Variants in FLYWCH1 observed in about 807,000 individuals in gnomAD.
FLYWCH1 encodes FLYWCH-type zinc finger 1, also known as FLYWCH-type zinc finger-containing protein 1.
Under a neutral mutation model 66.4 loss-of-function variants are expected in FLYWCH1, and 75 were observed. The ratio of observed to expected loss-of-function variants is 1.13; its 90% CI spans 0.94 to 1.37. FLYWCH1 has a LOEUF of 1.37. Among genes scored for constraint, FLYWCH1 ranks in the 40% most tolerant of loss-of-function variants. The pLI is 0.00. For synonymous variants in FLYWCH1, 595 were observed against 429.9 expected (o/e 1.38, Z -4.75); for missense variants, 1,334 against 1,001.8 (o/e 1.33, Z -4.48).
At chr16:2,946,605 G>T (rs2071497542) in intron 9 of FLYWCH1, among the ~76,000 whole-genome samples, 1 of 152,070 alleles carries the variant, frequency 6.6e-6, no homozygotes, top group African/African-American at 2.4e-5. Flanking sequence ...TTATAGGAGT[G>T]AGCCACTGTG....
chr16:2,938,569 C>G (rs1190972413), intron 8 of FLYWCH1, 113 bp downstream of exon 8: 6 of 674,334 alleles, frequency 8.9e-6, no homozygotes, highest in East Asian at 3.7e-5. Context: ...TGTGCACACA[C>G]AAATTATTCA....
chr16:2,933,263 C>A lies in FLYWCH1; in HGVS notation c.930C>A (p.His310Gln), dbSNP rs554747336. The change falls in exon 5 of 10, where the codon CAC (histidine) becomes CAA (glutamine). Residue 310 changes from histidine to glutamine, a missense_variant. By Grantham distance (24) the His-to-Gln change is conservative. Coordinates refer to ENST00000253928, the MANE Select transcript of FLYWCH1 (RefSeq NM_001308068.2). ...GGACCTGCCGGGACCACGCGCTGCA[C>A]GGCTGCCGGAGCCGGGCCATCACCC... is the stretch of plus-strand genomic sequence containing the variant. ...VYWTCRDHAL[H>Q]GCRSRAITQG... 1 of 1,612,838 alleles carries A rather than the reference C, an allele frequency of 6.2e-7. No individual in the cohort carries two copies. The highest frequency in any genetic ancestry group is 1.1e-5 in the South Asian group (1 of 91,018).
At position 2,937,338 on chromosome 16, in the gene FLYWCH1, G is replaced by A. The variant is rs753676795; in HGVS notation, c.1731G>A (p.Leu577=). ...HPPDLGGLEA[L]RQREHFPNLA... ...CGGACCTGGGCGGCCTGGAGGCCCT[G>A]CGGCAGCGGGAGCACTTCCCCAACC... The change falls in exon 7 of 10, where the codon CTG becomes CTA. Residue 577 remains leucine, a synonymous_variant. Transcript: ENST00000253928. The A allele has an allele frequency of 6.3e-7, 1 of 1,596,836 alleles. No individual in the cohort carries two copies. The highest frequency in any genetic ancestry group is 2.2e-5 in the East Asian group (1 of 44,512).
intron 1 of FLYWCH1, among the ~76,000 whole-genome samples, chr16:2,913,405 G>T (rs895583012): frequency 5.9e-5 from 9 of 152,040 alleles, no homozygotes; most frequent in African/African-American, 9.7e-5. Context: ...ATACCGGGCT[G>T]GGGGGGTCTC....
chr16:2,912,220 G>C (rs1415596343), intron 1 of FLYWCH1, 66 bp downstream of exon 1: 2 of 152,300 alleles, frequency 1.3e-5, no homozygotes, highest in African/African-American at 4.8e-5. Flanking sequence ...CCGCAGCCCG[G>C]CTCTCCCGGG....
intron 4 of FLYWCH1, among the ~76,000 whole-genome samples, chr16:2,932,603 G>A (rs1567335197): frequency 6.6e-6 from 1 of 152,190 alleles, no homozygotes; most frequent in Non-Finnish European, 1.5e-5. Flanking sequence ...CCTGGGGTGG[G>A]AAGGGAGGTG....
chr16:2,921,369 C>G (rs760288732), intron 2 of FLYWCH1, among the ~76,000 whole-genome samples: 35 of 145,048 alleles, frequency 2.4e-4, no homozygotes, highest in Non-Finnish European at 6.0e-5. Flanking sequence ...TTTTTTGCTT[C>G]TAAAGCCAGA....
At position 2,930,505 on chromosome 16, in the gene FLYWCH1, G is replaced by C. The variant is rs2070723500; in HGVS notation, c.421G>C (p.Asp141His). ...GTACAAGCAGGAGAAGGCAGTGGGG[G>C]ACAAGGTGTACTGGAAGTGCCGCCA... Reference protein sequence around the residue: ...FLYKQEKAVGDKVYWKCRQHA... With the variant: ...FLYKQEKAVGHKVYWKCRQHA... Residue 141 changes from aspartate to histidine, a missense_variant, in exon 4 of 10, where the codon GAC (aspartate) becomes CAC (histidine). Asp to His is a moderately conservative substitution (Grantham distance 81, BLOSUM62 -1). Coordinates refer to ENST00000253928, the MANE Select transcript of FLYWCH1 (RefSeq NM_001308068.2). 6.5e-7 allele frequency: 1 copy of C among 1,538,098 alleles called. No homozygotes were observed. The highest frequency in any genetic ancestry group is 1.4e-5 in the African/African-American group (1 of 71,604).
intron 9 of FLYWCH1, among the ~76,000 whole-genome samples, chr16:2,947,622 C>T (rs954378287): frequency 9.2e-5 from 14 of 151,762 alleles, no homozygotes; most frequent in East Asian, 1.9e-4. Flanking sequence ...ATTAGCTGGG[C>T]GTGGTGGCAC....
chr16:2,923,891 TAGCC>T (rs1290505060), intron 2 of FLYWCH1, among the ~76,000 whole-genome samples: 1 of 151,862 alleles, frequency 6.6e-6, no homozygotes, highest in Non-Finnish European at 1.5e-5. Flanking sequence ...ATACAAAAAT[TAGCC>T]AGGCATGTTG....
chr16:2,942,275 G>C (rs1343886984), intron 9 of FLYWCH1, among the ~76,000 whole-genome samples: 1 of 151,700 alleles, frequency 6.6e-6, no homozygotes, highest in Non-Finnish European at 1.5e-5. Flanking sequence ...ACCCTCCTGA[G>C]TAGCTGGGAC....
At chr16:2,943,851 C>T (rs2071370442) in intron 9 of FLYWCH1, among the ~76,000 whole-genome samples, 1 of 152,216 alleles carries the variant, frequency 6.6e-6, no homozygotes, top group Admixed American at 6.5e-5. Context: ...GCAGGAGAAT[C>T]ACTTGAACCC....
At position 2,933,789 on chromosome 16, in the gene FLYWCH1, G is replaced by C. The variant is rs776527797; in HGVS notation, c.1323G>C (p.Glu441Asp). The part of the protein sequence containing the change: ...LVYESFLYRR[E>D]KAAGEKVYWT... The stretch of plus-strand genomic sequence containing the variant: ...ACGAGTCCTTCCTCTACCGGCGGGA[G>C]AAGGCGGCTGGGGAGAAGGTGTATT... The change falls in exon 6 of 10, where the codon GAG becomes GAC. Residue 441 changes from glutamate to aspartate, a missense_variant. Transcript: ENST00000253928. 5 of 1,610,772 alleles carry C rather than the reference G, an allele frequency of 3.1e-6. No individual in the cohort carries two copies. Among genetic ancestry groups the C allele is most frequent in the Non-Finnish European group, 3.4e-6 (4 of 1,178,806 alleles).
In FLYWCH1 at chr16:2,929,724, T is replaced by C. The variant is rs759427363; in HGVS notation, c.39T>C (p.Ser13=). The C allele has an allele frequency of 4.3e-6, 7 of 1,611,894 alleles. No homozygotes were observed. Among genetic ancestry groups the C allele is most frequent in the African/African-American group, 1.3e-5 (1 of 74,370 alleles). ...AGCCCAGCGAGCAGGAGGGCGAGAG[T>C]GTGAAGGCCGGCCAGGAGCCATCCC... is the stretch of plus-strand genomic sequence containing the variant. The part of the protein sequence containing the change: ...LPEPSEQEGE[S]VKAGQEPSPK... Residue 13 remains serine, a synonymous_variant, in exon 3 of 10, where the codon AGT becomes AGC. Transcript: ENST00000253928.
At chr16:2,919,047 T>G (rs1010872653) in intron 2 of FLYWCH1, among the ~76,000 whole-genome samples, 16 of 150,910 alleles carry the variant, frequency 1.1e-4, no homozygotes, top group Admixed American at 2.0e-4. Context: ...GCAATTCTTC[T>G]GCCTCCACCT....
intron 6 of FLYWCH1, among the ~76,000 whole-genome samples, chr16:2,934,447 C>G (rs2074361): frequency 1.3e-5 from 2 of 152,170 alleles, no homozygotes; most frequent in East Asian, 1.9e-4. Context: ...AACGCTGGCC[C>G]GAGGAGGGTC....
chr16:2,929,855 C>T lies in FLYWCH1; in HGVS notation c.170C>T (p.Ser57Phe), dbSNP rs765622993. 6.2e-7 allele frequency: 1 copy of T among 1,613,938 alleles called. No homozygotes were observed. The highest frequency in any genetic ancestry group is 8.5e-7 in the Non-Finnish European group (1 of 1,179,884). The part of the protein sequence containing the change: ...ASDQDEDGVG[S>F]KPQEVHCVLS... Reference sequence around the variant, plus strand: ...GACCAAGATGAGGATGGGGTGGGATCCAAGCCCCAGGAAGTGCACTGCGTC... The same window carrying T: ...GACCAAGATGAGGATGGGGTGGGATTCAAGCCCCAGGAAGTGCACTGCGTC... Residue 57 changes from serine to phenylalanine, a missense_variant, in exon 3 of 10, where the codon TCC becomes TTC. Physicochemically the swap from Ser to Phe is radical, Grantham distance 155. Transcript: ENST00000253928.
chr16:2,946,094 A>T (rs577993583), intron 9 of FLYWCH1, among the ~76,000 whole-genome samples: 2 of 152,272 alleles, frequency 1.3e-5, no homozygotes, highest in South Asian at 4.1e-4. Context: ...AGTGTAATTA[A>T]AAAAAGCAAA....
At chr16:2,936,800 C>T (rs1453539625) in intron 6 of FLYWCH1, 1 of 555,784 alleles carries the variant, frequency 1.8e-6, no homozygotes, top group Non-Finnish European at 3.4e-6. Flanking sequence ...GCACGGCGCA[C>T]CCTGCATGCA....
Sources: allele counts gnomAD v4.1 joint callset (sites outside exome capture counted in the v4.1 genomes callset), GRCh38; gene constraint gnomAD v4.1.1; transcripts MANE v1.5; gene names NCBI Gene and HGNC (gene_info 2026-07-23, HGNC 2026-07-21).